FHIT: variants seen among roughly 807,000 people sequenced by gnomAD.
FHIT encodes fragile histidine triad diadenosine triphosphatase.
In FHIT, 19 loss-of-function variants were observed where a neutral mutation model predicts 17.9. The ratio of observed to expected loss-of-function variants is 1.06; its 90% confidence interval spans 0.74 to 1.56. The LOEUF (loss-of-function observed/expected upper bound fraction) is 1.56. FHIT is among the 40% of genes most tolerant of loss of function. FHIT has a pLI of 0.00. For synonymous variants in FHIT, 81 were observed against 69.7 expected (o/e 1.16, Z -0.81); for missense variants, 248 against 189.2 (o/e 1.31, Z -1.82).
Position 60,823,380 on chromosome 3 carries a change from G to C in FHIT, c.-110-1369C>G, listed in dbSNP as rs140654800. On this transcript the variant is annotated intron_variant, in intron 3 of 9. Transcript: ENST00000492590. ...AGAATGTGACCTTATTTGGTAATAG[G>C]ATTGATACAGATATAATTATTTAAG... Among the ~76,000 whole-genome samples the C allele has an allele frequency of 9.2e-5, 14 of 152,218 alleles. No homozygotes were observed. In the East Asian group the frequency reaches 2.7e-3, roughly 29 times the overall value.
intron 4 of FHIT, among the ~76,000 whole-genome samples, chr3:60,768,606 T>G (rs1699930272): frequency 6.6e-6 from 1 of 152,208 alleles, no homozygotes; most frequent in South Asian, 2.1e-4. Context: ...GTTTTTTGAT[T>G]CAGTGAATAC....
At chr3:60,038,964 G>C (rs1464432383) in intron 5 of FHIT, among the ~76,000 whole-genome samples, 1 of 152,136 alleles carries the variant, frequency 6.6e-6, no homozygotes, top group Admixed American at 6.5e-5. Context: ...TCTGGAGGGG[G>C]TGGTCAGGAA....
chr3:60,282,005 C>A (rs1330370732), intron 5 of FHIT, among the ~76,000 whole-genome samples: 1 of 151,942 alleles, frequency 6.6e-6, no homozygotes, highest in Admixed American at 6.6e-5. Flanking sequence ...CTGATAATAC[C>A]AAATATTGGC....
chr3:60,561,946 A>AGG (rs1553651787), intron 4 of FHIT, among the ~76,000 whole-genome samples: 5 of 150,628 alleles, frequency 3.3e-5, no homozygotes, highest in African/African-American at 1.2e-4. Flanking sequence ...GAAAGAGAGA[A>AGG]ACAGAGAGAG....
At chr3:60,118,883 T>C (rs1705114624) in intron 5 of FHIT, among the ~76,000 whole-genome samples, 2 of 148,994 alleles carry the variant, frequency 1.3e-5, no homozygotes, top group African/African-American at 4.9e-5. Flanking sequence ...TAGCTGGGCG[T>C]GGTGGCGGGC....
intron 4 of FHIT, among the ~76,000 whole-genome samples, chr3:60,602,501 A>G (rs946870753): frequency 1.4e-5 from 2 of 141,378 alleles, no homozygotes; most frequent in African/African-American, 5.1e-5. Flanking sequence ...CCTTCATGAA[A>G]CCTTCTTGGA....
intron 4 of FHIT, among the ~76,000 whole-genome samples, chr3:60,662,399 G>A (rs2156969): frequency 0.11 from 16,302 of 152,088 alleles, 1,003 homozygotes; most frequent in Non-Finnish European, 0.13. Flanking sequence ...ATTCGTCTCC[G>A]TGCCTATGTT....
At chr3:61,237,117 T>C (rs2040250800) in intron 1 of FHIT, among the ~76,000 whole-genome samples, 1 of 152,188 alleles carries the variant, frequency 6.6e-6, no homozygotes, top group Admixed American at 6.5e-5. Context: ...TGTACATCCA[T>C]CTTAGTTTGT....
intron 9 of FHIT, chr3:59,751,232 T>TTCTCTCTCTCTC (rs10577548): frequency 6.0e-4 from 105 of 176,258 alleles, no homozygotes; most frequent in African/African-American, 1.3e-3. Context: ...ATAGATACAT[T>TTCTCTCTCTCTC]TCTCTCTCTC....
intron 5 of FHIT, among the ~76,000 whole-genome samples, chr3:60,326,897 A>T (rs1185252442): frequency 2.0e-5 from 3 of 152,246 alleles, no homozygotes; most frequent in South Asian, 2.1e-4. Flanking sequence ...CCATGATCAC[A>T]GTAATCGAAA....
intron 2 of FHIT, among the ~76,000 whole-genome samples, chr3:61,081,616 C>T (rs1358840508): frequency 6.6e-6 from 1 of 152,202 alleles, no homozygotes; most frequent in African/African-American, 2.4e-5. Flanking sequence ...TAGAATCCTT[C>T]CTTGCCTCTT....
chr3:61,120,877 T>C (rs1260609369), intron 2 of FHIT, among the ~76,000 whole-genome samples: 3 of 151,838 alleles, frequency 2.0e-5, no homozygotes, highest in African/African-American at 7.3e-5. Flanking sequence ...CTAACTAGAA[T>C]AACCAGTTTA....
intron 1 of FHIT, among the ~76,000 whole-genome samples, chr3:61,214,870 T>C (rs956386915): frequency 7.2e-5 from 11 of 152,148 alleles, no homozygotes; most frequent in African/African-American, 2.7e-4. Context: ...AATCAGTAAA[T>C]GTAATCCAGC....
chr3:60,188,893 AC>A (rs1231628671), intron 5 of FHIT, among the ~76,000 whole-genome samples: 2 of 152,112 alleles, frequency 1.3e-5, no homozygotes, highest in Non-Finnish European at 2.9e-5. Flanking sequence ...GCCGCAGGGC[AC>A]CCCAGTAGAA....
chr3:60,588,701 T>G (rs1306600549), intron 4 of FHIT, among the ~76,000 whole-genome samples: 1 of 151,906 alleles, frequency 6.6e-6, no homozygotes. Context: ...TAGGCTGGAG[T>G]GCGGTAGCAT....
chr3:60,723,418 T>C (rs2041852215), intron 4 of FHIT, among the ~76,000 whole-genome samples: 2 of 152,194 alleles, frequency 1.3e-5, no homozygotes, highest in South Asian at 4.1e-4. Flanking sequence ...CTCACCTGTT[T>C]GTACAAACAG....
At chr3:60,850,644 C>G (rs1703119594) in intron 3 of FHIT, among the ~76,000 whole-genome samples, 1 of 152,076 alleles carries the variant, frequency 6.6e-6, no homozygotes, top group South Asian at 2.1e-4. Context: ...AGCCAGGTGC[C>G]TGTCCAAAGT....
In FHIT at chr3:61,141,496, G is replaced by A. The variant is rs1409804793; in HGVS notation, c.-164+59121C>T. Among the ~76,000 whole-genome samples the A allele has an allele frequency of 2.0e-5, 3 of 152,184 alleles. No homozygotes were observed. The East Asian group carries it at 5.8e-4, about 29-fold the overall frequency. On this transcript the variant is annotated intron_variant, in intron 2 of 9. Coordinates refer to ENST00000492590, the MANE Select transcript of FHIT (RefSeq NM_002012.4). ...TCAGATAAAGAAATTCTGTAGCCCA[G>A]AGAGATATTTGATCCGTTCATTTGA...
chr3:60,957,233 C>CTTTTTTTTTTTTTTTTTT (rs35221092), intron 3 of FHIT, among the ~76,000 whole-genome samples: 1 of 97,146 alleles, frequency 1.0e-5, no homozygotes, highest in Non-Finnish European at 2.0e-5. Flanking sequence ...TTCTTTCTTT[C>CTTTTTTTTTTTTTTTTTT]TTTTTTTTTT....
Sources: allele counts gnomAD v4.1 joint callset (sites outside exome capture counted in the v4.1 genomes callset), GRCh38; gene constraint gnomAD v4.1.1; transcripts MANE v1.5; gene names NCBI Gene and HGNC (gene_info 2026-07-23, HGNC 2026-07-21).